NELL1: variants seen among roughly 807,000 people sequenced by gnomAD.
NELL1 encodes neural EGFL like 1, also known as protein kinase C-binding protein NELL1.
NELL1 carries 76 observed loss-of-function variants against 107.4 expected under a neutral mutation model. The observed-to-expected ratio is 0.71, with a 90% CI of 0.59 to 0.86. The LOEUF is 0.86. Among genes scored for constraint, NELL1 ranks in the 40% least tolerant of loss-of-function variants. NELL1 has a pLI of 0.00. For missense variants in NELL1, 1,024 were observed against 1,005.5 expected (o/e 1.02, Z -0.25); for synonymous variants, 353 against 341.2 (o/e 1.03, Z -0.38).
intron 15 of NELL1, among the ~76,000 whole-genome samples, chr11:21,406,052 G>A (rs961713843): frequency 4.0e-5 from 6 of 151,820 alleles, no homozygotes; most frequent in Non-Finnish European, 5.9e-5. Flanking sequence ...GGAACAGAGT[G>A]GATTCCAGAC....
intron 15 of NELL1, among the ~76,000 whole-genome samples, chr11:21,393,090 C>T (rs1564872898): frequency 1.3e-5 from 2 of 150,576 alleles, no homozygotes; most frequent in East Asian, 2.0e-4. Flanking sequence ...GTTTAAAATA[C>T]GACCAATGGA....
chr11:21,260,765 A>G (rs1848511909), intron 14 of NELL1: 2 of 151,900 alleles, frequency 1.3e-5, no homozygotes, highest in Non-Finnish European at 2.9e-5. Context: ...AGAAGAATAA[A>G]TTTTAACTTA....
intron 9 of NELL1, among the ~76,000 whole-genome samples, chr11:20,932,596 C>T (rs955876895): frequency 6.6e-6 from 1 of 152,170 alleles, no homozygotes; most frequent in Admixed American, 6.5e-5. Context: ...CTGTGTTTAA[C>T]CATTTTATAT....
chr11:21,088,783 A>G (rs572617608), intron 12 of NELL1, among the ~76,000 whole-genome samples: 33 of 152,316 alleles, frequency 2.2e-4, no homozygotes, highest in South Asian at 1.9e-3. Context: ...TTTGAAACAT[A>G]GGTAGAGTGA....
chr11:21,162,369 G>T (rs1856391719), intron 13 of NELL1, among the ~76,000 whole-genome samples: 1 of 152,110 alleles, frequency 6.6e-6, no homozygotes, highest in South Asian at 2.1e-4. Context: ...GCAAGGATTG[G>T]GATTGAGTGC....
intron 12 of NELL1, among the ~76,000 whole-genome samples, chr11:20,980,418 A>G (rs1445460363): frequency 6.6e-6 from 1 of 152,118 alleles, no homozygotes; most frequent in African/African-American, 2.4e-5. Context: ...TGGTTCTTGA[A>G]TGTGGTGAGC....
intron 2 of NELL1, among the ~76,000 whole-genome samples, chr11:20,706,281 T>G (rs1226765998): frequency 6.6e-6 from 1 of 152,088 alleles, no homozygotes; most frequent in African/African-American, 2.4e-5. Context: ...TGTTCAAGAA[T>G]GATAGACTGG....
intron 16 of NELL1, among the ~76,000 whole-genome samples, chr11:21,557,530 T>G (rs1250914877): frequency 6.6e-6 from 1 of 152,032 alleles, no homozygotes; most frequent in Non-Finnish European, 1.5e-5. Flanking sequence ...GGGTTGAAGT[T>G]ATACTTCCAG....
At chr11:20,751,353 A>G (rs963647719) in intron 2 of NELL1, among the ~76,000 whole-genome samples, 1 of 152,208 alleles carries the variant, frequency 6.6e-6, no homozygotes, top group Non-Finnish European at 1.5e-5. Context: ...CTAATACAAT[A>G]TTGAGTTTTC....
intron 5 of NELL1, among the ~76,000 whole-genome samples, chr11:20,895,886 T>C (rs1301157731): frequency 6.6e-6 from 1 of 152,200 alleles, no homozygotes; most frequent in Non-Finnish European, 1.5e-5. Flanking sequence ...GCAAATGACA[T>C]GAGTTCATTT....
chr11:20,850,852 C>T (rs1345123315), intron 4 of NELL1, among the ~76,000 whole-genome samples: 1 of 152,052 alleles, frequency 6.6e-6, no homozygotes, highest in Non-Finnish European at 1.5e-5. Context: ...AATAGTATTC[C>T]TTAGGATAAC....
At chr11:21,173,693 G>C (rs1856654411) in intron 13 of NELL1, among the ~76,000 whole-genome samples, 1 of 151,708 alleles carries the variant, frequency 6.6e-6, no homozygotes, top group Non-Finnish European at 1.5e-5. Flanking sequence ...CTGACATATG[G>C]TGGGTGGCAT....
rs115772607 is a variant in NELL1 at position 21,250,358 on chromosome 11, C to T, written c.1549+20904C>T. Among the ~76,000 whole-genome samples, 919 of 152,244 alleles carry T rather than the reference C, an allele frequency of 6.0e-3. 6 individuals carry two copies. The highest frequency in any genetic ancestry group is 0.021 in the African/African-American group (853 of 41,534). On this transcript the variant is annotated intron_variant, in intron 14 of 19. Coordinates refer to ENST00000357134, the MANE Select transcript of NELL1 (RefSeq NM_006157.5). ...GTACTTTTCTCCTCTCCACTCCACT[C>T]GGGGGCCTTTCAGTTTAGGGCTATG... is the stretch of plus-strand genomic sequence containing the variant.
chr11:21,085,746 G>A (rs1161015248), intron 12 of NELL1, among the ~76,000 whole-genome samples: 1 of 152,222 alleles, frequency 6.6e-6, no homozygotes, highest in African/African-American at 2.4e-5. Context: ...CATTGTTAGA[G>A]TAGAATAGGG....
chr11:20,933,585 C>A (rs550154043), intron 9 of NELL1, among the ~76,000 whole-genome samples: 2 of 152,196 alleles, frequency 1.3e-5, no homozygotes, highest in African/African-American at 4.8e-5. Context: ...TCTCTCTGAT[C>A]TGCCACTCTC....
chr11:21,548,588 T>G (rs1303517179), intron 16 of NELL1, among the ~76,000 whole-genome samples: 1 of 151,810 alleles, frequency 6.6e-6, no homozygotes, highest in African/African-American at 2.4e-5. Context: ...GGGGAAACCA[T>G]CTCCATGATT....
At chr11:21,218,799 T>C (rs1321104871) in intron 13 of NELL1, among the ~76,000 whole-genome samples, 1 of 152,230 alleles carries the variant, frequency 6.6e-6, no homozygotes, top group Non-Finnish European at 1.5e-5. Flanking sequence ...AGCTCATCGA[T>C]GTTGCCACTA....
chr11:21,561,051 ATTT>A (rs995036794), intron 17 of NELL1, among the ~76,000 whole-genome samples: 3 of 151,896 alleles, frequency 2.0e-5, no homozygotes, highest in Admixed American at 6.6e-5. Context: ...TTTGTGCTTT[ATTT>A]CTTCTTTTAT....
chr11:21,560,324 A>G lies in NELL1; in HGVS notation c.1922A>G (p.Lys641Arg). 6.2e-7 allele frequency: 1 copy of G among 1,612,760 alleles called. No individual in the cohort carries two copies. Among genetic ancestry groups the G allele is most frequent in the Non-Finnish European group, 8.5e-7 (1 of 1,179,394 alleles). ...GACTGTCCTCATGAAGGGGGGCTGA[A>G]GCACAATGGCCAGGTGTGGACCTTG... ...SGDCPHEGGLKHNGQVWTLKE... is the reference protein window; with the variant it reads ...SGDCPHEGGLRHNGQVWTLKE... The change falls in exon 17 of 20, where the codon AAG becomes AGG. Residue 641 changes from lysine (K) to arginine (R), a missense_variant. By Grantham distance (26) the Lys-to-Arg change is conservative. Transcript: ENST00000357134.
Sources: gnomAD v4.1 joint callset for allele counts (sites outside exome capture counted in the v4.1 genomes callset) on GRCh38, gnomAD v4.1.1 for gene constraint, MANE v1.5 for transcripts, NCBI Gene and HGNC (gene_info 2026-07-23, HGNC 2026-07-21) for gene names.